Variants in NLGN4X observed in about 807,000 individuals in gnomAD.
NLGN4X encodes neuroligin 4 X-linked, also known as neuroligin-4, X-linked.
NLGN4X carries 3 observed loss-of-function variants against 40.3 expected under a neutral mutation model. That is an observed-to-expected ratio of 0.07 (90% CI 0.03 to 0.19). NLGN4X has a LOEUF of 0.19. NLGN4X is among the 10% of genes least tolerant of loss of function. The pLI is 1.00. For missense variants in NLGN4X, 382 were observed against 708.3 expected, an observed-to-expected ratio of 0.54 and a Z score of 5.23; for synonymous variants, 270 against 306.8, an observed-to-expected ratio of 0.88 and a Z score of 1.25.
intron 2 of NLGN4X, among the ~76,000 whole-genome samples, chrX:6,107,570 A>T (rs2039057815): frequency 9.0e-6 from 1 of 111,260 alleles, no homozygotes; most frequent in Non-Finnish European, 1.9e-5. Context: ...TTTAATTTGG[A>T]TTCAGGGGTG....
intron 3 of NLGN4X, among the ~76,000 whole-genome samples, chrX:5,932,247 G>A (rs967581796): frequency 2.7e-5 from 3 of 111,618 alleles, no homozygotes; most frequent in East Asian, 2.8e-4. Context: ...TCTTCAGTGC[G>A]CCAGAGTGAT....
chrX:5,900,326 G>A (rs1005008189), intron 5 of NLGN4X, among the ~76,000 whole-genome samples: 6 of 111,047 alleles, frequency 5.4e-5, no homozygotes, highest in Admixed American at 2.9e-4. Context: ...TGGAGACAGA[G>A]ACACACAGGG....
intron 1 of NLGN4X, among the ~76,000 whole-genome samples, chrX:6,178,140 GCTCT>G (rs1447709376): frequency 9.0e-6 from 1 of 111,559 alleles, no homozygotes; most frequent in Non-Finnish European, 1.9e-5. Context: ...TTCCCTATGT[GCTCT>G]CTAATATTAC....
chrX:5,944,743 C>A lies in NLGN4X; in HGVS notation c.626-35504G>T, dbSNP rs2034070692. Among the ~76,000 whole-genome samples the A allele has an allele frequency of 9.1e-5, 10 of 110,131 alleles. No individual in the cohort carries two copies. In the Admixed American group the frequency reaches 9.7e-4, roughly 11 times the overall value. On this transcript the variant is annotated intron_variant, in intron 3 of 5. Coordinates refer to ENST00000381095, the MANE Select transcript of NLGN4X (RefSeq NM_181332.3). ...TCTCTGGTCTGAAAGAAGAAATCAGCCAAAAGAAAAATACTATTTGAGTTC... is the reference window on the plus strand; with the variant it reads ...TCTCTGGTCTGAAAGAAGAAATCAGACAAAAGAAAAATACTATTTGAGTTC...
chrX:5,990,503 T>C (rs1338221266), intron 3 of NLGN4X, among the ~76,000 whole-genome samples: 1 of 111,829 alleles, frequency 8.9e-6, no homozygotes, highest in African/African-American at 3.3e-5. Flanking sequence ...TTTATACTAA[T>C]AATGAGGTAT....
intron 1 of NLGN4X, among the ~76,000 whole-genome samples, chrX:6,173,780 G>T (rs371916125): frequency 8.9e-6 from 1 of 112,102 alleles, no homozygotes; most frequent in Non-Finnish European, 1.9e-5. Flanking sequence ...GCCAAGGGCT[G>T]GTAGTGGTCG....
intron 2 of NLGN4X, among the ~76,000 whole-genome samples, chrX:6,116,303 A>G (rs1216311711): frequency 9.9e-6 from 1 of 101,173 alleles, no homozygotes; most frequent in Non-Finnish European, 2.0e-5. Flanking sequence ...AAAAAAAAAA[A>G]AAAAAAAAAA....
At chrX:6,030,394 A>ATGTGTGTGTGTGTGTGTGTGTG (rs35006258) in intron 2 of NLGN4X, among the ~76,000 whole-genome samples, 1,064 of 100,118 alleles carry the variant, frequency 0.011, 14 homozygotes, top group African/African-American at 0.032. Context: ...GGATACAGAT[A>ATGTGTGTGTGTGTGTGTGTGTG]TGTGTGTGTG....
At chrX:5,978,272 T>TTTTCTTTCTTTCTTTCTTTCTTTC (rs780650966) in intron 3 of NLGN4X, among the ~76,000 whole-genome samples, 2 of 20,328 alleles carry the variant, frequency 9.8e-5, no homozygotes, top group Admixed American at 5.4e-4. Context: ...GCGTCTCTTT[T>TTTTCTTTCTTTCTTTCTTTCTTTC]TTTCTTTCTT....
chrX:5,961,430 T>A (rs1203894824), intron 3 of NLGN4X, among the ~76,000 whole-genome samples: 1 of 112,329 alleles, frequency 8.9e-6, no homozygotes, highest in African/African-American at 3.2e-5. Context: ...TTTCAACAGG[T>A]ATATAGATTT....
rs1923524345 is a variant in NLGN4X at position 6,200,692 on chromosome X, T to TTTTTTTTCTTTTC, written c.-306+27848_-306+27849insGAAAAGAAAAAAA. On this transcript the variant is annotated intron_variant, in intron 1 of 5. Coordinates refer to ENST00000381095, the MANE Select transcript of NLGN4X (RefSeq NM_181332.3). ...TAATTTATTCCTTTCCTTTTCTTTT[T>TTTTTTTTCTTTTC]TTTTTTTTTTTTTTTACAAGATCTT... is the stretch of plus-strand genomic sequence containing the variant. Among the ~76,000 whole-genome samples the TTTTTTTTCTTTTC allele has an allele frequency of 3.3e-5, 3 of 90,005 alleles. No individual in the cohort carries two copies. The Admixed American group carries it at 3.7e-4, about 11-fold the overall frequency. 78.2% of individuals were successfully genotyped at this position (90,005 alleles called of 115,157 possible). A position where few individuals can be genotyped will look rare whatever the true frequency, so the allele number is the denominator to read the frequency against.
At chrX:5,979,031 T>C (rs2035294947) in intron 3 of NLGN4X, among the ~76,000 whole-genome samples, 1 of 110,904 alleles carries the variant, frequency 9.0e-6, no homozygotes, top group African/African-American at 3.3e-5. Flanking sequence ...TACATGTACA[T>C]ATATATATAT....
intron 1 of NLGN4X, among the ~76,000 whole-genome samples, chrX:6,181,166 T>C (rs1041490119): frequency 6.3e-5 from 7 of 111,383 alleles, no homozygotes; most frequent in African/African-American, 2.0e-4. Flanking sequence ...TGAAACTCTC[T>C]ACCTCTTTTG....
At chrX:5,977,189 T>G (rs2035203841) in intron 3 of NLGN4X, among the ~76,000 whole-genome samples, 1 of 112,114 alleles carries the variant, frequency 8.9e-6, no homozygotes, top group African/African-American at 3.2e-5. Flanking sequence ...CATTCTTTTT[T>G]TCAGTTCAAG....
intron 2 of NLGN4X, among the ~76,000 whole-genome samples, chrX:6,037,554 A>G (rs963708725): frequency 9.0e-6 from 1 of 111,421 alleles, no homozygotes; most frequent in African/African-American, 3.3e-5. Flanking sequence ...ATAAGGAAAT[A>G]ATAGAACCAA....
intron 4 of NLGN4X, among the ~76,000 whole-genome samples, chrX:5,905,262 G>GT (rs1469600612): frequency 9.0e-6 from 1 of 111,401 alleles, no homozygotes; most frequent in Non-Finnish European, 1.9e-5. Flanking sequence ...TGTTAGGGAA[G>GT]TAACAGAACT....
intron 1 of NLGN4X, among the ~76,000 whole-genome samples, chrX:6,165,861 C>CAT (rs983873095): frequency 1.1e-3 from 115 of 109,050 alleles, no homozygotes; most frequent in South Asian, 3.1e-3. Context: ...TATACATATA[C>CAT]ATATATATAT....
intron 2 of NLGN4X, among the ~76,000 whole-genome samples, chrX:6,150,720 T>A (rs936036909): frequency 1.8e-5 from 2 of 112,186 alleles, no homozygotes; most frequent in Non-Finnish European, 3.8e-5. Flanking sequence ...TATTTTCATC[T>A]GCAAATAAGC....
chrX:5,978,266 C>CTT (rs2035239786), intron 3 of NLGN4X, among the ~76,000 whole-genome samples: 2 of 103,981 alleles, frequency 1.9e-5, no homozygotes, highest in African/African-American at 7.5e-5. Flanking sequence ...AGACAGGCGT[C>CTT]TCTTTTTTTC....
Sources: gnomAD v4.1 joint callset for allele counts (sites outside exome capture counted in the v4.1 genomes callset) on GRCh38, gnomAD v4.1.1 for gene constraint, MANE v1.5 for transcripts, NCBI Gene and HGNC (gene_info 2026-07-23, HGNC 2026-07-21) for gene names.